Variants in KIAA1217 observed in about 807,000 individuals in gnomAD.
KIAA1217 encodes KIAA1217.
In KIAA1217, 88 loss-of-function variants were observed where a neutral mutation model predicts 163.9. The ratio of observed to expected loss-of-function variants is 0.54; its 90% CI spans 0.45 to 0.64. The LOEUF (loss-of-function observed/expected upper bound fraction) is 0.64, where lower values mean the gene tolerates loss of function less well. Ranked by LOEUF, KIAA1217 falls within the 30% of genes least tolerant of loss-of-function variation. The probability of loss-of-function intolerance (pLI) is 0.00; values close to 1 mark genes in which losing one functional copy is unlikely to be tolerated. For synonymous variants in KIAA1217, 903 were observed against 923.1 expected, an observed-to-expected ratio of 0.98 and a Z score of 0.39; for missense variants, 2,372 against 2,475.0, an observed-to-expected ratio of 0.96 and a Z score of 0.88.
chr10:24,038,703 G>C (rs1175643736), intron 2 of KIAA1217, among the ~76,000 whole-genome samples: 3 of 151,052 alleles, frequency 2.0e-5, no homozygotes, highest in Admixed American at 6.6e-5. Context: ...CAGACAAGCA[G>C]CTGATTCCAA....
intron 2 of KIAA1217, among the ~76,000 whole-genome samples, chr10:24,288,715 C>G (rs1035414982): frequency 6.6e-6 from 1 of 152,088 alleles, no homozygotes; most frequent in African/African-American, 2.4e-5. Context: ...ACAGAAGAGA[C>G]CCTTGGAAGC....
At chr10:24,317,998 T>A (rs143966282) in intron 2 of KIAA1217, among the ~76,000 whole-genome samples, 2 of 152,304 alleles carry the variant, frequency 1.3e-5, no homozygotes, top group East Asian at 1.9e-4. Flanking sequence ...GTTTTTTAGA[T>A]GAGATTAACA....
chr10:24,323,517 A>G (rs1164532107), intron 2 of KIAA1217, among the ~76,000 whole-genome samples: 2 of 152,186 alleles, frequency 1.3e-5, no homozygotes, highest in African/African-American at 4.8e-5. Context: ...GTCCCTACTC[A>G]TGCTCTTTAT....
intron 1 of KIAA1217, among the ~76,000 whole-genome samples, chr10:23,934,408 A>G (rs1843386772): frequency 6.6e-6 from 1 of 150,754 alleles, no homozygotes; most frequent in Non-Finnish European, 1.5e-5. Flanking sequence ...GAGGGAGCTT[A>G]GAGAATGGGC....
chr10:23,783,150 C>T (rs913850228), intron 1 of KIAA1217, among the ~76,000 whole-genome samples: 1 of 152,042 alleles, frequency 6.6e-6, no homozygotes, highest in African/African-American at 2.4e-5. Context: ...TTGCCTTGGG[C>T]CACACATAAA....
rs1342436122 is a variant in KIAA1217 at position 24,366,694 on chromosome 10, A to T, written c.355-14175A>T. On this transcript the variant is annotated intron_variant, in intron 2 of 20. Transcript: ENST00000376454. ...ACTCACAGGCCTGCTTTCGTGGAGC[A>T]ATCTAGTGGCCAGTGAGCCCGGGGC... 3.3e-5 allele frequency among the ~76,000 whole-genome samples: 5 copies of T among 152,152 alleles called. 1 individual carries two copies. The highest frequency in any genetic ancestry group is 7.4e-5 in the Non-Finnish European group (5 of 68,026).
chr10:23,912,683 T>A (rs1238353960), intron 1 of KIAA1217, among the ~76,000 whole-genome samples: 3 of 152,282 alleles, frequency 2.0e-5, no homozygotes, highest in South Asian at 2.1e-4. Flanking sequence ...TATGGCTGCA[T>A]AGTATTCTAT....
At chr10:23,782,141 A>C (rs1048707839) in intron 1 of KIAA1217, among the ~76,000 whole-genome samples, 3 of 152,084 alleles carry the variant, frequency 2.0e-5, no homozygotes, top group Non-Finnish European at 4.4e-5. Context: ...TTGTGTCTGT[A>C]TATTGCTAAG....
At chr10:23,736,365 G>C (rs1408237679) in intron 1 of KIAA1217, among the ~76,000 whole-genome samples, 3 of 152,112 alleles carry the variant, frequency 2.0e-5, no homozygotes, top group African/African-American at 7.2e-5. Flanking sequence ...CTATTGAGTT[G>C]TCCCTCCCTT....
At chr10:23,720,266 A>G (rs1336894955) in intron 1 of KIAA1217, among the ~76,000 whole-genome samples, 2 of 152,130 alleles carry the variant, frequency 1.3e-5, no homozygotes, top group Admixed American at 6.6e-5. Flanking sequence ...GGGGTGGGGC[A>G]TTGTCATAGT....
At chr10:23,807,464 T>A (rs540277849) in intron 1 of KIAA1217, among the ~76,000 whole-genome samples, 1 of 152,292 alleles carries the variant, frequency 6.6e-6, no homozygotes, top group Non-Finnish European at 1.5e-5. Context: ...GGCTGTAGTG[T>A]GGAGTGGGGG....
intron 2 of KIAA1217, among the ~76,000 whole-genome samples, chr10:24,043,103 C>T (rs947864721): frequency 3.9e-5 from 6 of 152,096 alleles, no homozygotes; most frequent in Non-Finnish European, 8.8e-5. Context: ...AATGTAGTAA[C>T]TTAAGCTATC....
At chr10:24,245,098 G>T (rs923594183) in intron 2 of KIAA1217, among the ~76,000 whole-genome samples, 1 of 152,082 alleles carries the variant, frequency 6.6e-6, no homozygotes, top group Non-Finnish European at 1.5e-5. Flanking sequence ...AGCATTGGTG[G>T]CCCCTTGCAG....
intron 6 of KIAA1217, among the ~76,000 whole-genome samples, chr10:24,488,282 A>C (rs1350004723): frequency 4.6e-5 from 7 of 152,130 alleles, no homozygotes; most frequent in Non-Finnish European, 7.4e-5. Context: ...CAGCTGGGGT[A>C]TGGTGGATGG....
chr10:24,475,035 A>G (rs1023481352), intron 6 of KIAA1217, among the ~76,000 whole-genome samples: 3 of 152,204 alleles, frequency 2.0e-5, no homozygotes, highest in African/African-American at 7.2e-5. Flanking sequence ...CCTGGCCAAC[A>G]TGGTGAAAAT....
chr10:23,854,319 T>C (rs149363346), intron 1 of KIAA1217, among the ~76,000 whole-genome samples: 26,946 of 151,946 alleles, frequency 0.18, 2,496 homozygotes, highest in Middle Eastern at 0.21. Context: ...TGTAGTTGAG[T>C]GGTTTTGAGT....
intron 1 of KIAA1217, among the ~76,000 whole-genome samples, chr10:23,881,290 A>C (rs1840938466): frequency 6.6e-6 from 1 of 151,992 alleles, no homozygotes. Context: ...GCATTCTTTC[A>C]CTTACAATTA....
chr10:24,345,774 A>T (rs141991048), intron 2 of KIAA1217, among the ~76,000 whole-genome samples: 1 of 151,986 alleles, frequency 6.6e-6, no homozygotes, highest in Non-Finnish European at 1.5e-5. Context: ...CATTTTATTC[A>T]TTTGACTATC....
intron 2 of KIAA1217, among the ~76,000 whole-genome samples, chr10:24,196,856 C>T (rs187461205): frequency 6.6e-6 from 1 of 152,282 alleles, no homozygotes; most frequent in African/African-American, 2.4e-5. Flanking sequence ...TTATGGGGCT[C>T]CTGGGCTAAT....
Sources: gnomAD v4.1 joint callset for allele counts (sites outside exome capture counted in the v4.1 genomes callset) on GRCh38, gnomAD v4.1.1 for gene constraint, MANE v1.5 for transcripts, NCBI Gene and HGNC (gene_info 2026-07-23, HGNC 2026-07-21) for gene names.